TEX11: variants seen among roughly 807,000 people sequenced by gnomAD.
The protein encoded by TEX11 is testis-expressed protein 11.
In TEX11, 7 loss-of-function variants were observed where a neutral mutation model predicts 84.4. The observed-to-expected ratio is 0.08, with a 90% CI of 0.05 to 0.16. The LOEUF (loss-of-function observed/expected upper bound fraction) is 0.16. Among genes scored for constraint, TEX11 ranks in the 10% least tolerant of loss-of-function variants. The pLI is 1.00. For missense variants in TEX11, 551 were observed against 660.5 expected, an observed-to-expected ratio of 0.83 and a Z score of 1.82; for synonymous variants, 264 against 222.8, an observed-to-expected ratio of 1.18 and a Z score of -1.64.
At chrX:70,865,774 C>T (rs938180524) in intron 4 of TEX11, among the ~76,000 whole-genome samples, 1 of 111,973 alleles carries the variant, frequency 8.9e-6, no homozygotes, top group Non-Finnish European at 1.9e-5. Flanking sequence ...ATTGAACAAC[C>T]TGTTCCTGAA....
At chrX:70,769,773 A>G (rs1016390936) in intron 9 of TEX11, among the ~76,000 whole-genome samples, 8 of 111,426 alleles carry the variant, frequency 7.2e-5, no homozygotes, top group African/African-American at 2.0e-4. Flanking sequence ...CCAGCTCTAA[A>G]GAGTTATCTA....
At chrX:70,540,228 G>A (rs995263008) in intron 28 of TEX11, among the ~76,000 whole-genome samples, 2 of 112,395 alleles carry the variant, frequency 1.8e-5, no homozygotes, top group African/African-American at 6.5e-5. Context: ...TGACAGAAAT[G>A]TTACGATACC....
intron 9 of TEX11, among the ~76,000 whole-genome samples, chrX:70,805,976 T>G (rs2091216800): frequency 8.9e-6 from 1 of 111,823 alleles, no homozygotes; most frequent in South Asian, 3.7e-4. Flanking sequence ...TTGACTGATA[T>G]TAAAATGCCA....
intron 2 of TEX11, among the ~76,000 whole-genome samples, chrX:70,903,278 AT>A (rs1339836971): frequency 9.0e-6 from 1 of 111,576 alleles, no homozygotes. Flanking sequence ...TAGCATAGTC[AT>A]TTATTATCAC....
intron 13 of TEX11, among the ~76,000 whole-genome samples, chrX:70,713,203 T>C (rs1404986113): frequency 1.8e-5 from 2 of 111,986 alleles, no homozygotes; most frequent in African/African-American, 3.2e-5. Flanking sequence ...CAGTATTTTA[T>C]TGAGGATTTT....
Position 70,591,009 on chromosome X carries a change from A to C in TEX11, c.2140+742T>G, listed in dbSNP as rs183985705. On this transcript the variant is annotated intron_variant, in intron 25 of 29. Coordinates refer to ENST00000374333, the MANE Select transcript of TEX11 (RefSeq NM_031276.3). ...GGTGATCTGTCCGCCTCGGCCTCCC[A>C]AAGTGCTGGGATTACAGGCGTGAGC... Among the ~76,000 whole-genome samples the C allele has an allele frequency of 2.7e-3, 299 of 111,165 alleles. 1 individual carries two copies. Among genetic ancestry groups the C allele is most frequent in the Non-Finnish European group, 4.4e-3 (235 of 53,034 alleles).
chrX:70,515,949 C>A, the TEX11 span, among the ~76,000 whole-genome samples: 2 of 112,111 alleles, frequency 1.8e-5, no homozygotes, highest in Non-Finnish European at 3.8e-5. Flanking sequence ...ATATCCTTTG[C>A]CCACTTGTTG....
At chrX:70,788,036 TACC>T (rs1429492758) in intron 9 of TEX11, among the ~76,000 whole-genome samples, 12 of 110,404 alleles carry the variant, frequency 1.1e-4, no homozygotes, top group African/African-American at 3.3e-4. Context: ...AATGGAAAGA[TACC>T]CCATGTTCAT....
chrX:70,799,072 T>A (rs192963854), intron 9 of TEX11, among the ~76,000 whole-genome samples: 35 of 111,751 alleles, frequency 3.1e-4, no homozygotes, highest in Non-Finnish European at 4.5e-4. Context: ...AATTGCAGAA[T>A]ATTATGAGAC....
At chrX:70,533,024 C>T (rs1261640299) in intron 28 of TEX11, among the ~76,000 whole-genome samples, 3 of 109,855 alleles carry the variant, frequency 2.7e-5, no homozygotes, top group African/African-American at 9.9e-5. Flanking sequence ...GGCGACAGGG[C>T]GAGATTCTGT....
chrX:70,851,486 A>G (rs764319460), intron 7 of TEX11, among the ~76,000 whole-genome samples: 3 of 111,597 alleles, frequency 2.7e-5, no homozygotes, highest in Non-Finnish European at 5.6e-5. Context: ...CTAAAACTAT[A>G]AAACCTTTAG....
At chrX:70,661,137 G>C (rs1205133829) in intron 16 of TEX11, among the ~76,000 whole-genome samples, 1 of 111,779 alleles carries the variant, frequency 8.9e-6, no homozygotes, top group Non-Finnish European at 1.9e-5. Flanking sequence ...CAAGGAAAGG[G>C]GTGACAGACG....
intron 9 of TEX11, among the ~76,000 whole-genome samples, chrX:70,759,655 TC>T (rs1291123267): frequency 9.0e-6 from 1 of 111,531 alleles, no homozygotes; most frequent in African/African-American, 3.3e-5. Context: ...ACAGCCAATA[TC>T]ATATTGAATG....
At chrX:70,701,988 G>C (rs1490450347) in intron 13 of TEX11, among the ~76,000 whole-genome samples, 1 of 112,064 alleles carries the variant, frequency 8.9e-6, no homozygotes. Flanking sequence ...AATAAAGAAA[G>C]TGGTTTCTTG....
chrX:70,684,394 T>C (rs2090170914), intron 13 of TEX11, among the ~76,000 whole-genome samples: 1 of 111,980 alleles, frequency 8.9e-6, no homozygotes. Flanking sequence ...GAGACCAGAC[T>C]GGCCAACATG....
intron 11 of TEX11, among the ~76,000 whole-genome samples, chrX:70,733,259 A>G (rs1189295864): frequency 8.9e-6 from 1 of 112,033 alleles, no homozygotes; most frequent in Non-Finnish European, 1.9e-5. Flanking sequence ...CTTCATGTCT[A>G]AAACACCAAA....
chrX:70,571,346 C>G (rs908904941), intron 25 of TEX11, among the ~76,000 whole-genome samples: 2 of 112,011 alleles, frequency 1.8e-5, no homozygotes, highest in Non-Finnish European at 3.8e-5. Flanking sequence ...TGTTATTTTT[C>G]ATTTCTTTGT....
chrX:70,560,006 A>G (rs758392101), intron 25 of TEX11, among the ~76,000 whole-genome samples: 1 of 35,376 alleles, frequency 2.8e-5, no homozygotes, highest in East Asian at 8.1e-4. Context: ...TCCCACCCTC[A>G]TTAACACTTG....
At chrX:70,676,640 T>G (rs1307501353) in intron 15 of TEX11, among the ~76,000 whole-genome samples, 1 of 112,271 alleles carries the variant, frequency 8.9e-6, no homozygotes, top group Admixed American at 9.4e-5. Flanking sequence ...TTTAGAGTTT[T>G]CATTAAGTTT....
Sources: allele counts gnomAD v4.1 joint callset (sites outside exome capture counted in the v4.1 genomes callset), GRCh38; gene constraint gnomAD v4.1.1; transcripts MANE v1.5; gene names NCBI Gene and HGNC (gene_info 2026-07-23, HGNC 2026-07-21).